KDM2B: variants seen among roughly 807,000 people sequenced by gnomAD.
The protein encoded by KDM2B is lysine demethylase 2B.
In KDM2B, 26 loss-of-function variants were observed where a neutral mutation model predicts 150.0. That is an observed-to-expected ratio of 0.17 (90% CI 0.13 to 0.24). The LOEUF (loss-of-function observed/expected upper bound fraction) is 0.24. Ranked by LOEUF, KDM2B falls within the 10% of genes least tolerant of loss-of-function variation. The pLI is 1.00. For synonymous variants in KDM2B, 734 were observed against 729.5 expected (o/e 1.01, Z -0.10); for missense variants, 1,265 against 1,816.9 (o/e 0.70, Z 5.52).
chr12:121,560,217 C>T (rs1250545601), intron 4 of KDM2B, among the ~76,000 whole-genome samples: 2 of 151,916 alleles, frequency 1.3e-5, no homozygotes, highest in African/African-American at 4.8e-5. Context: ...TGAGACCAGG[C>T]TGGTCTCAAA....
chr12:121,414,323 A>G, the KDM2B span, among the ~76,000 whole-genome samples: 28 of 152,386 alleles, frequency 1.8e-4, no homozygotes, highest in African/African-American at 5.8e-4. Flanking sequence ...GCAAAAGCCT[A>G]TTCGTTCTAA....
intron 6 of KDM2B, among the ~76,000 whole-genome samples, chr12:121,535,118 G>A (rs1555308499): frequency 6.6e-6 from 1 of 151,662 alleles, no homozygotes; most frequent in African/African-American, 2.4e-5. Flanking sequence ...GCCAGCTTTG[G>A]CCTTGAGAGA....
intron 12 of KDM2B, among the ~76,000 whole-genome samples, chr12:121,472,774 C>T (rs1345507252): frequency 6.6e-6 from 1 of 152,122 alleles, no homozygotes; most frequent in African/African-American, 2.4e-5. Context: ...ATTCATTTCC[C>T]TATCAAAATC....
intron 9 of KDM2B, chr12:121,516,336 G>T: frequency 2.2e-6 from 1 of 448,816 alleles, no homozygotes; most frequent in Non-Finnish European, 3.8e-6. Flanking sequence ...TCCCTTCTTT[G>T]TTGCTGAACC....
intron 12 of KDM2B, among the ~76,000 whole-genome samples, chr12:121,491,793 CAA>C (rs111704010): frequency 4.0e-4 from 21 of 52,214 alleles, no homozygotes; most frequent in African/African-American, 6.4e-4. Context: ...GATTCCATCT[CAA>C]AAAAAAAAAA....
intron 4 of KDM2B, among the ~76,000 whole-genome samples, chr12:121,568,416 TG>T: frequency 6.6e-6 from 1 of 151,882 alleles, no homozygotes; most frequent in Non-Finnish European, 1.5e-5. Context: ...GCCAAGATGG[TG>T]CCACTGCACT....
intron 3 of KDM2B, 100 bp from the exon 4 acceptor site, chr12:121,574,693 T>G (rs1891384511): frequency 6.6e-6 from 7 of 1,066,652 alleles, no homozygotes; most frequent in Non-Finnish European, 7.0e-6. Flanking sequence ...GAGAGATCCT[T>G]TCCCCTCAGT....
chr12:121,477,067 A>G (rs1199619210), intron 12 of KDM2B, among the ~76,000 whole-genome samples: 7 of 152,096 alleles, frequency 4.6e-5, no homozygotes, highest in African/African-American at 1.7e-4. Context: ...CTGATGAAAC[A>G]ATTTTTTTAA....
chr12:121,578,967 G>A, intron 1 of KDM2B, 21 bp from the exon 2 acceptor site: 1 of 1,608,604 alleles, frequency 6.2e-7, no homozygotes, highest in Non-Finnish European at 8.5e-7. Context: ...CCAAACCAGA[G>A]AGCCCGGGAC....
intron 11 of KDM2B, among the ~76,000 whole-genome samples, chr12:121,495,232 G>A (rs2140373991): frequency 6.6e-6 from 1 of 151,978 alleles, no homozygotes; most frequent in South Asian, 2.1e-4. Context: ...CGCAATCTGG[G>A]CTCAAGCAAC....
intron 1 of KDM2B, chr12:121,579,730 G>GC: frequency 2.5e-6 from 3 of 1,220,530 alleles, no homozygotes; most frequent in Non-Finnish European, 3.1e-6. Flanking sequence ...CGGCCCCTCA[G>GC]CCCCCCAGAT....
At chr12:121,506,198 G>T (rs1452291494) in intron 11 of KDM2B, among the ~76,000 whole-genome samples, 3 of 152,026 alleles carry the variant, frequency 2.0e-5, no homozygotes, top group Admixed American at 2.0e-4. Context: ...GTACAGATAG[G>T]GTCTTACTAT....
chr12:121,461,671 T>C (rs1232721420), intron 12 of KDM2B, among the ~76,000 whole-genome samples: 6 of 152,124 alleles, frequency 3.9e-5, no homozygotes, highest in Admixed American at 3.9e-4. Flanking sequence ...CAAGGACTGC[T>C]GTGGGCATGC....
intron 4 of KDM2B, among the ~76,000 whole-genome samples, chr12:121,554,665 C>G (rs1302644412): frequency 6.6e-6 from 1 of 152,148 alleles, no homozygotes; most frequent in Non-Finnish European, 1.5e-5. Flanking sequence ...CCTGCCTCAG[C>G]CTCCCAAAGT....
intron 13 of KDM2B, among the ~76,000 whole-genome samples, chr12:121,448,101 C>T (rs1555290742): frequency 6.6e-6 from 1 of 151,980 alleles, no homozygotes; most frequent in African/African-American, 2.4e-5. Flanking sequence ...GGCGGATTGC[C>T]TGAGCCCAGG....
At position 121,442,906 on chromosome 12, in the gene KDM2B, C is replaced by G; in HGVS notation, c.2605-70G>C. 1.3e-6 allele frequency: 2 copies of G among 1,568,262 alleles called. No individual in the cohort carries two copies. Among genetic ancestry groups the G allele is most frequent in the Non-Finnish European group, 1.7e-6 (2 of 1,159,330 alleles). On this transcript the variant is annotated intron_variant, in intron 18 of 22. Transcript: ENST00000377071. The surrounding 1 kb of genome is among the most constrained non-coding windows in gnomAD (Gnocchi z 7.7). ...TGCGCCCGCCCAAGGCCTCCCGCCCCCCTGCCACGGGACTGTGGCCCAGGG... is the reference window on the plus strand; with the variant it reads ...TGCGCCCGCCCAAGGCCTCCCGCCCGCCTGCCACGGGACTGTGGCCCAGGG...
In KDM2B at chr12:121,549,065, G is replaced by A; in HGVS notation, c.577-82C>T. 1.7e-6 allele frequency: 2 copies of A among 1,171,540 alleles called. No homozygotes were observed. Among genetic ancestry groups the A allele is most frequent in the Non-Finnish European group, 2.5e-6 (2 of 796,524 alleles). 72.6% of individuals were successfully genotyped at this position (1,171,540 alleles called of 1,614,324 possible). ...TACCCCTTTCCCCGGAGAGTCCTTG[G>A]GCCCCCCCGCTCCCCCAATCTACTG... is the stretch of plus-strand genomic sequence containing the variant. On this transcript the variant is annotated intron_variant, in intron 5 of 22. Transcript: ENST00000377071. The surrounding 1 kb of genome is among the most constrained non-coding windows in gnomAD (Gnocchi z 4.4).
chr12:121,420,540 T>C, the KDM2B span: 3 of 1,606,670 alleles, frequency 1.9e-6, no homozygotes, highest in Non-Finnish European at 2.6e-6. Flanking sequence ...GGTCTGGACT[T>C]ATGGGACCAG....
chr12:121,548,370 GC>G (rs1555311117), intron 6 of KDM2B, among the ~76,000 whole-genome samples: 1 of 152,212 alleles, frequency 6.6e-6, no homozygotes, highest in Non-Finnish European at 1.5e-5. Flanking sequence ...TGAGCAGGTG[GC>G]CCCTGGACTA....
Sources: gnomAD v4.1 joint callset for allele counts (sites outside exome capture counted in the v4.1 genomes callset) on GRCh38, gnomAD v4.1.1 for gene constraint, Gnocchi (gnomAD v3.1) non-coding constraint, MANE v1.5 for transcripts, NCBI Gene and HGNC (gene_info 2026-07-23, HGNC 2026-07-21) for gene names.